The following SH3PXD2A variants were observed in gnomAD, a reference collection of about 807,000 sequenced individuals.
SH3PXD2A encodes the protein SH3 and PX domains 2A.
A neutral mutation model predicts 115.2 loss-of-function variants in SH3PXD2A; 32 were observed. That is an observed-to-expected ratio of 0.28 (90% confidence interval 0.21 to 0.37). SH3PXD2A has a LOEUF of 0.37. Ranked by LOEUF, SH3PXD2A falls within the 10% of genes least tolerant of loss-of-function variation. The pLI is 1.00. For synonymous variants in SH3PXD2A, 610 were observed against 629.1 expected, an observed-to-expected ratio of 0.97 and a Z score of 0.45; for missense variants, 1,328 against 1,498.7, an observed-to-expected ratio of 0.89 and a Z score of 1.88.
At chr10:103,661,696 GAGCTTCTCCACGGCCC>G in intron 7 of SH3PXD2A, 1 of 985,390 alleles carries the variant, frequency 1.0e-6, no homozygotes, top group Non-Finnish European at 1.2e-6. Context: ...GAGCGGGAGA[GAGCTTCTCCACGGCCC>G]AGGCCCAGGC....
At chr10:103,712,801 A>G (rs2038061364) in intron 5 of SH3PXD2A, among the ~76,000 whole-genome samples, 1 of 152,196 alleles carries the variant, frequency 6.6e-6, no homozygotes, top group South Asian at 2.1e-4. Flanking sequence ...ATTTGGAGCT[A>G]GTTGCCCCAG....
Position 103,855,379 on chromosome 10 carries a change from G to T in SH3PXD2A, c.-113C>A. ...CGGGGCCGCCCGCCACCCCGGCCCG[G>T]CGCGCCGAACGCTGCCCGGACTCCC... On this transcript the variant is annotated 5_prime_UTR_variant, in exon 1 of 15. Coordinates refer to ENST00000369774, the MANE Select transcript of SH3PXD2A (RefSeq NM_001394015.1). 3 of 785,702 alleles carry T rather than the reference G, an allele frequency of 3.8e-6. No individual in the cohort carries two copies. Among genetic ancestry groups the T allele is most frequent in the African/African-American group, 1.8e-5 (1 of 54,104 alleles). The allele number at this position is 785,702 out of a possible 1,614,324, so 48.7% of individuals were successfully genotyped here. A position where few individuals can be genotyped will look rare whatever the true frequency, so the allele number is the denominator to read the frequency against.
intron 1 of SH3PXD2A, among the ~76,000 whole-genome samples, chr10:103,802,156 G>T (rs1285164644): frequency 6.6e-6 from 1 of 152,204 alleles, no homozygotes; most frequent in Non-Finnish European, 1.5e-5. Flanking sequence ...ACAAACCCCA[G>T]CTTGTTTTGC....
intron 13 of SH3PXD2A, among the ~76,000 whole-genome samples, chr10:103,608,151 A>AAAAAAAAAAAAAAAAAAGTTTACC (rs1554903075): frequency 1.4e-5 from 1 of 71,284 alleles, no homozygotes; most frequent in African/African-American, 6.3e-5. Context: ...TGATCAATTT[A>AAAAAAAAAAAAAAAAAAGTTTACC]AAAAAAAAAA....
At chr10:103,791,636 T>A (rs1322921346) in intron 2 of SH3PXD2A, among the ~76,000 whole-genome samples, 1 of 151,936 alleles carries the variant, frequency 6.6e-6, no homozygotes, top group Non-Finnish European at 1.5e-5. Flanking sequence ...CTCTCCTAGA[T>A]GCTCTATCCC....
chr10:103,835,893 G>A (rs1033616039), intron 1 of SH3PXD2A, among the ~76,000 whole-genome samples: 4 of 152,194 alleles, frequency 2.6e-5, no homozygotes, highest in Non-Finnish European at 5.9e-5. Flanking sequence ...CAAGTGGAGA[G>A]GGAGGCCCCT....
intron 5 of SH3PXD2A, among the ~76,000 whole-genome samples, chr10:103,702,596 C>CGTGTGTTTGT (rs2037930143): frequency 6.8e-6 from 1 of 147,448 alleles, no homozygotes; most frequent in African/African-American, 2.5e-5. Context: ...TGTGTGTGTG[C>CGTGTGTTTGT]GTGTGTGTGT....
At chr10:103,759,543 G>A (rs554727272) in intron 3 of SH3PXD2A, among the ~76,000 whole-genome samples, 19 of 152,340 alleles carry the variant, frequency 1.2e-4, no homozygotes, top group African/African-American at 4.1e-4. Context: ...AGGGGACCTC[G>A]CACAGCCTTT....
intron 2 of SH3PXD2A, among the ~76,000 whole-genome samples, chr10:103,771,166 C>T (rs2038815141): frequency 6.6e-6 from 1 of 152,208 alleles, no homozygotes; most frequent in South Asian, 2.1e-4. Flanking sequence ...CCCGCTATTC[C>T]ACCACAAGTG....
intron 10 of SH3PXD2A, among the ~76,000 whole-genome samples, chr10:103,617,934 G>A (rs1375644712): frequency 1.3e-5 from 2 of 152,188 alleles, no homozygotes; most frequent in Admixed American, 6.5e-5. Context: ...TGGAACCCAG[G>A]TCTCATGGAA....
intron 3 of SH3PXD2A, among the ~76,000 whole-genome samples, chr10:103,765,762 G>A (rs529506379): frequency 1.4e-4 from 21 of 152,198 alleles, no homozygotes; most frequent in Middle Eastern, 3.2e-3. Context: ...AGACTGTACC[G>A]GAGCACCATC....
At position 103,660,998 on chromosome 10, in the gene SH3PXD2A, C is replaced by T. The variant is rs774661042; in HGVS notation, c.589G>A (p.Glu197Lys). ...GGGCACTCACCGCTCTCGTTCTTCT[C>T]GATGACATCCACCACCTCCCCGGCC... Reference protein sequence around the residue: ...LQAGEVVDVIEKNESGWWFVS... With the variant: ...LQAGEVVDVIKKNESGWWFVS... The change falls in exon 8 of 15, where the codon GAG (glutamate) becomes AAG (lysine). Residue 197 changes from glutamate to lysine, a missense_variant. Transcript: ENST00000369774. 9.3e-6 allele frequency: 15 copies of T among 1,614,042 alleles called. No individual in the cohort carries two copies. Among genetic ancestry groups the T allele is most frequent in the Non-Finnish European group, 1.2e-5 (14 of 1,179,954 alleles).
intron 1 of SH3PXD2A, among the ~76,000 whole-genome samples, chr10:103,844,294 T>G (rs1394835026): frequency 1.3e-5 from 2 of 152,122 alleles, no homozygotes; most frequent in Non-Finnish European, 2.9e-5. Flanking sequence ...GAGGCAGAAT[T>G]CAGGACAGAG....
chr10:103,636,184 G>A lies in SH3PXD2A; in HGVS notation c.605-8982C>T, dbSNP rs139242979. Among the ~76,000 whole-genome samples, 226 of 152,282 alleles carry A rather than the reference G, an allele frequency of 1.5e-3. 1 individual carries two copies. The highest frequency in any genetic ancestry group is 4.6e-3 in the African/African-American group (192 of 41,560). On this transcript the variant is annotated intron_variant, in intron 8 of 14. Coordinates refer to ENST00000369774, the MANE Select transcript of SH3PXD2A (RefSeq NM_001394015.1). The stretch of plus-strand genomic sequence containing the variant: ...AGCACTTTGGGAGGCCGAGGCAGGC[G>A]GATCACGAGGCCAGGAATTTGAGGC...
chr10:103,808,746 G>C (rs926216204), intron 1 of SH3PXD2A, among the ~76,000 whole-genome samples: 4 of 152,118 alleles, frequency 2.6e-5, no homozygotes, highest in African/African-American at 9.7e-5. Context: ...CTTGACACAG[G>C]CTGTGTTGGT....
chr10:103,611,978 A>C (rs902248335), intron 12 of SH3PXD2A, among the ~76,000 whole-genome samples: 5 of 152,192 alleles, frequency 3.3e-5, no homozygotes, highest in African/African-American at 9.7e-5. Flanking sequence ...TTTTTTGCTT[A>C]CTATTAAATC....
In SH3PXD2A at chr10:103,602,895, T is replaced by C. The variant is rs1233915900; in HGVS notation, c.2323A>G (p.Ile775Val). The C allele has an allele frequency of 1.2e-6, 2 of 1,613,972 alleles. No individual in the cohort carries two copies. The highest frequency in any genetic ancestry group is 8.5e-7 in the Non-Finnish European group (1 of 1,179,944). The change falls in exon 15 of 15, where the codon ATC becomes GTC. Residue 775 changes from isoleucine to valine, a missense_variant. This residue lies in a region of SH3PXD2A where 574 missense variants were observed against 565.7 expected (regional missense o/e 1.01). Transcript: ENST00000369774. Reference protein sequence around the residue: ...AESQSQEKMDISTLRRQLRPT... With the variant: ...AESQSQEKMDVSTLRRQLRPT... ...CTCAGCTGGCGCCGTAAAGTGCTGATGTCCATCTTCTCTTGGCTCTGCGAC... is the reference window on the plus strand; with the variant it reads ...CTCAGCTGGCGCCGTAAAGTGCTGACGTCCATCTTCTCTTGGCTCTGCGAC...
chr10:103,621,859 C>T (rs188710132), intron 10 of SH3PXD2A, among the ~76,000 whole-genome samples: 35 of 152,348 alleles, frequency 2.3e-4, no homozygotes, highest in African/African-American at 8.4e-4. Flanking sequence ...CCTCCTGAAG[C>T]CCCAGCAGTT....
At position 103,594,835 on chromosome 10, in the gene SH3PXD2A, AACC is replaced by A. The variant is rs1182439228; in HGVS notation, c.*6978_*6980del. On this transcript the variant is annotated 3_prime_UTR_variant, in exon 15 of 15. Transcript: ENST00000369774. ...ACCAGGTGGCAGGCTCAGCAAACTG[AACC>A]ACCACAGGTGTCAGAGATACTTGAG... The A allele has an allele frequency of 6.6e-6, 1 of 152,222 alleles. No homozygotes were observed. The highest frequency in any genetic ancestry group is 2.4e-5 in the African/African-American group (1 of 41,452). 9.4% of individuals were successfully genotyped at this position (152,222 alleles called of 1,614,324 possible).
Sources: allele counts gnomAD v4.1 joint callset (sites outside exome capture counted in the v4.1 genomes callset), GRCh38; gene constraint gnomAD v4.1.1; regional missense constraint gnomAD v4.1.1; transcripts MANE v1.5; gene names NCBI Gene and HGNC (gene_info 2026-07-23, HGNC 2026-07-21).